HDLBP: variants seen among roughly 807,000 people sequenced by gnomAD.
The protein encoded by HDLBP is high density lipoprotein binding protein.
Under a neutral mutation model 137.3 loss-of-function variants are expected in HDLBP, and 30 were observed. That is an observed-to-expected ratio of 0.22 (90% CI 0.16 to 0.30). HDLBP has a LOEUF of 0.30. HDLBP is among the 10% of genes least tolerant of loss of function. The pLI is 1.00. For missense variants in HDLBP, 1,119 were observed against 1,667.3 expected, an observed-to-expected ratio of 0.67 and a Z score of 5.73; for synonymous variants, 606 against 596.0, an observed-to-expected ratio of 1.02 and a Z score of -0.24.
chr2:241,265,413 C>G (rs753785844), intron 3 of HDLBP, among the ~76,000 whole-genome samples: 1 of 151,976 alleles, frequency 6.6e-6, no homozygotes. Context: ...AGCAAAACTC[C>G]GTCTCAAAAA....
At chr2:241,278,535 A>G (rs1024374398) in intron 1 of HDLBP, among the ~76,000 whole-genome samples, 1 of 151,882 alleles carries the variant, frequency 6.6e-6, no homozygotes, top group Non-Finnish European at 1.5e-5. Context: ...GTGAAACAAG[A>G]TGGTGCCACT....
chr2:241,314,068 C>G (rs1352847059), intron 1 of HDLBP, among the ~76,000 whole-genome samples: 1 of 152,158 alleles, frequency 6.6e-6, no homozygotes, highest in Non-Finnish European at 1.5e-5. Context: ...GGCTCCAGCT[C>G]CATTTTCCCC....
At chr2:241,251,449 G>T (rs2072161117) in intron 11 of HDLBP, among the ~76,000 whole-genome samples, 1 of 152,224 alleles carries the variant, frequency 6.6e-6, no homozygotes, top group Non-Finnish European at 1.5e-5. Context: ...CAGCACAGCT[G>T]CCAAGGCTAT....
At chr2:241,235,281 C>T (rs1418148411) in intron 22 of HDLBP, 26 bp from the exon 23 acceptor site, 14 of 1,613,840 alleles carry the variant, frequency 8.7e-6, no homozygotes, top group East Asian at 6.7e-5. Context: ...GCTGACTTGA[C>T]GTTCAGGACC....
chr2:241,239,626 G>A lies in HDLBP; in HGVS notation c.2586C>T (p.Arg862=), dbSNP rs1559486571. Residue 862 remains arginine, a synonymous_variant, in exon 19 of 28, where the codon CGC becomes CGT. Coordinates refer to ENST00000310931, the MANE Select transcript of HDLBP (RefSeq NM_005336.6). This position sits in a 1 kb window ranked among gnomAD's most constrained non-coding sequence, Gnocchi z 4.6. ...CCAGGTCCTCAATGATCTCCTGAAT[G>A]CGTTTCTTGGCTGCCTCCACACAGT... ...AKDCVEAAKK[R]IQEIIEDLEA... The A allele has an allele frequency of 6.2e-7, 1 of 1,614,174 alleles. No individual in the cohort carries two copies. Among genetic ancestry groups the A allele is most frequent in the East Asian group, 2.2e-5 (1 of 44,884 alleles).
chr2:241,256,223 A>G lies in HDLBP; in HGVS notation c.834T>C (p.Ala278=). 6.2e-7 allele frequency: 1 copy of G among 1,614,126 alleles called. No individual in the cohort carries two copies. The highest frequency in any genetic ancestry group is 8.5e-7 in the Non-Finnish European group (1 of 1,180,024). The change falls in exon 7 of 28, where the codon GCT becomes GCC. Residue 278 remains alanine (A), a synonymous_variant. Coordinates refer to ENST00000310931, the MANE Select transcript of HDLBP (RefSeq NM_005336.6). ...TCTTCTTGATGCGAGCCACAGCCTG[A>G]GCCAACTGTTCCTTCTCTCCAGTGA... ...IVFTGEKEQL[A]QAVARIKKIY... is the part of the protein sequence containing the mutation.
rs193095020 is a variant in HDLBP, at chr2:241,240,933, A to G, written c.2170-811T>C. On this transcript the variant is annotated intron_variant, in intron 17 of 27. Coordinates refer to ENST00000310931, the MANE Select transcript of HDLBP (RefSeq NM_005336.6). This position sits in a 1 kb window ranked among gnomAD's most constrained non-coding sequence, Gnocchi z 5.5. ...GCAAGCAAAAATACCAAAGAAAAAC[A>G]TGCTAGCACAAAAATATTAAATAAC... is the stretch of plus-strand genomic sequence containing the variant. Among the ~76,000 whole-genome samples, 416 of 152,306 alleles carry G rather than the reference A, an allele frequency of 2.7e-3. 5 individuals carry two copies. Among genetic ancestry groups the G allele is most frequent in the Non-Finnish European group, 4.1e-3 (276 of 68,022 alleles).
At chr2:241,313,355 C>G (rs983830818) in intron 1 of HDLBP, among the ~76,000 whole-genome samples, 1 of 152,182 alleles carries the variant, frequency 6.6e-6, no homozygotes, top group African/African-American at 2.4e-5. Flanking sequence ...TCTCGGCTCA[C>G]TGCAACCTCC....
intron 11 of HDLBP, chr2:241,250,546 A>G (rs1358427299): frequency 6.6e-6 from 1 of 152,550 alleles, no homozygotes; most frequent in Non-Finnish European, 1.5e-5. Flanking sequence ...ACCTCTCTGG[A>G]TAGAACCCAG....
intron 7 of HDLBP, 114 bp downstream of exon 7, chr2:241,256,070 T>C: frequency 3.5e-6 from 3 of 863,446 alleles, no homozygotes; most frequent in East Asian, 5.2e-5. Flanking sequence ...ACAATAAGCA[T>C]CTTCATCAAG....
chr2:241,301,433 A>G (rs914170953), intron 1 of HDLBP, among the ~76,000 whole-genome samples: 21 of 152,208 alleles, frequency 1.4e-4, no homozygotes, highest in Non-Finnish European at 4.4e-5. Flanking sequence ...AAAGCATATC[A>G]CGTAAGAAGA....
chr2:241,242,834 T>G (rs2071376408), intron 16 of HDLBP, 156 bp from the exon 17 acceptor site: 1 of 678,276 alleles, frequency 1.5e-6, no homozygotes, highest in Non-Finnish European at 2.6e-6. Flanking sequence ...TCCAAGCCAT[T>G]TTTGACCTGC....
intron 2 of HDLBP, 92 bp from the exon 3 acceptor site, chr2:241,266,998 T>C: frequency 3.2e-6 from 3 of 928,478 alleles, no homozygotes; most frequent in Non-Finnish European, 5.2e-6. Context: ...AGTTTTACTC[T>C]CTTTTTTACC....
intron 12 of HDLBP, among the ~76,000 whole-genome samples, chr2:241,249,076 G>C (rs1357149288): frequency 6.6e-6 from 1 of 152,144 alleles, no homozygotes; most frequent in Non-Finnish European, 1.5e-5. Flanking sequence ...CCTGGAATAT[G>C]AGACTGGGGA....
chr2:241,266,149 G>A (rs2073656936), intron 3 of HDLBP, among the ~76,000 whole-genome samples: 1 of 152,164 alleles, frequency 6.6e-6, no homozygotes, highest in Admixed American at 6.5e-5. Context: ...GCATTCAAAT[G>A]GAAGGAAATG....
intron 4 of HDLBP, 95 bp from the exon 5 acceptor site, chr2:241,263,021 C>T (rs79214865): frequency 1.9e-5 from 18 of 945,816 alleles, no homozygotes; most frequent in Middle Eastern, 4.6e-4. Flanking sequence ...CATCCACTCA[C>T]AAAGCAGCCC....
chr2:241,287,579 C>G (rs1182626661), intron 1 of HDLBP, among the ~76,000 whole-genome samples: 1 of 152,128 alleles, frequency 6.6e-6, no homozygotes, highest in Non-Finnish European at 1.5e-5. Context: ...GCCACTATGC[C>G]TGGCTAATTT....
chr2:241,281,900 TAC>T (rs1250000754), intron 1 of HDLBP, among the ~76,000 whole-genome samples: 2 of 152,248 alleles, frequency 1.3e-5, no homozygotes, highest in East Asian at 1.9e-4. Flanking sequence ...ACAGCAGTGC[TAC>T]AGTGTCTGTA....
chr2:241,300,475 A>G (rs1182201408), intron 1 of HDLBP, among the ~76,000 whole-genome samples: 1 of 152,166 alleles, frequency 6.6e-6, no homozygotes, highest in Non-Finnish European at 1.5e-5. Context: ...ACACACACAC[A>G]TTTCCACCAC....
Sources: allele counts gnomAD v4.1 joint callset (sites outside exome capture counted in the v4.1 genomes callset), GRCh38; gene constraint gnomAD v4.1.1; non-coding constraint Gnocchi (gnomAD v3.1); transcripts MANE v1.5; gene names NCBI Gene and HGNC (gene_info 2026-07-23, HGNC 2026-07-21).